Variants in LMF1 observed in about 807,000 individuals in gnomAD.
The protein encoded by LMF1 is lipase maturation factor 1, also known as transmembrane protein 112.
A neutral mutation model predicts 60.6 loss-of-function variants in LMF1; 68 were observed. That is an observed-to-expected ratio of 1.12 (90% CI 0.92 to 1.37). LMF1 has a LOEUF of 1.37. Ranked by LOEUF, LMF1 falls within the 40% of genes most tolerant of loss-of-function variation. The probability of loss-of-function intolerance (pLI) is 0.00; values close to 1 mark genes in which losing one functional copy is unlikely to be tolerated. For synonymous variants in LMF1, 418 were observed against 324.7 expected (o/e 1.29, Z -3.09); for missense variants, 948 against 767.2 (o/e 1.24, Z -2.78).
chr16:976,348 T>C (rs1461197821), intron 1 of LMF1: 1 of 454,092 alleles, frequency 2.2e-6, no homozygotes, highest in Admixed American at 2.3e-5. Context: ...CTGCGATCTG[T>C]AGTCCAGGTG....
intron 10 of LMF1, chr16:855,466 ACT>A: frequency 2.8e-6 from 1 of 354,284 alleles, no homozygotes; most frequent in Non-Finnish European, 5.5e-6. Context: ...CCCTCACTGG[ACT>A]CTCGGAGGAC....
intron 10 of LMF1, among the ~76,000 whole-genome samples, chr16:862,033 C>T (rs554788912): frequency 1.1e-4 from 16 of 152,288 alleles, no homozygotes; most frequent in Non-Finnish European, 1.5e-4. Context: ...CAGATGTGAT[C>T]GTGTGAGTTA....
chr16:931,092 G>C (rs957398688), intron 3 of LMF1, among the ~76,000 whole-genome samples: 13 of 152,014 alleles, frequency 8.6e-5, no homozygotes, highest in Non-Finnish European at 1.9e-4. Context: ...CTGCTCTCCA[G>C]CCTGGGCGAC....
chr16:980,984 A>C (rs28665289), intron 1 of LMF1: 14,649 of 152,492 alleles, frequency 0.096, 843 homozygotes, highest in African/African-American at 0.14. Flanking sequence ...CCAGGGACTC[A>C]GCGCCGGGGT....
At chr16:869,572 C>T (rs1439719116) in intron 9 of LMF1, 2 of 614,000 alleles carry the variant, frequency 3.3e-6, no homozygotes, top group African/African-American at 1.8e-5. Flanking sequence ...GCGCCACCCT[C>T]AGCTGCTGGC....
intron 4 of LMF1, among the ~76,000 whole-genome samples, chr16:906,993 C>G (rs371240942): frequency 2.4e-4 from 37 of 152,142 alleles, no homozygotes; most frequent in African/African-American, 7.7e-4. Flanking sequence ...TGCTATCTTT[C>G]GAGGCATACA....
At chr16:923,760 C>A (rs993991333) in intron 3 of LMF1, among the ~76,000 whole-genome samples, 6 of 152,164 alleles carry the variant, frequency 3.9e-5, no homozygotes, top group Admixed American at 3.9e-4. Flanking sequence ...AGTTAACCTG[C>A]CCCACAATCT....
intron 3 of LMF1, 138 bp from the exon 4 acceptor site, chr16:911,217 G>C (rs1032966930): frequency 7.0e-6 from 7 of 994,914 alleles, no homozygotes; most frequent in South Asian, 1.4e-5. Context: ...CAGCCCGCAC[G>C]TATTAGTCTC....
rs2069674717 is a variant in LMF1 at position 868,487 on chromosome 16, C to A, written c.1529+457G>T. 3.9e-5 allele frequency among the ~76,000 whole-genome samples: 6 copies of A among 152,202 alleles called. No homozygotes were observed. In the South Asian group the frequency reaches 1.2e-3, roughly 32 times the overall value. ...CTCCCTCCTTGGAATGTCACCACGT[C>A]ACTGGCCGGAGTGGGCGAGGCTGCA... On this transcript the variant is annotated intron_variant, in intron 10 of 10. Transcript: ENST00000262301.
chr16:893,632 C>T (rs559062437), intron 4 of LMF1, among the ~76,000 whole-genome samples: 1 of 152,234 alleles, frequency 6.6e-6, no homozygotes, highest in Admixed American at 6.5e-5. Flanking sequence ...CAGAGGGAGC[C>T]GCCAGCACTG....
At chr16:860,406 C>G (rs539359043) in intron 10 of LMF1, among the ~76,000 whole-genome samples, 1 of 149,460 alleles carries the variant, frequency 6.7e-6, no homozygotes, top group East Asian at 2.0e-4. Context: ...GTGGTGTGAT[C>G]TCGGCTCACT....
At chr16:967,037 T>A (rs2072938476) in intron 1 of LMF1, among the ~76,000 whole-genome samples, 1 of 152,158 alleles carries the variant, frequency 6.6e-6, no homozygotes, top group South Asian at 2.1e-4. Context: ...GCCTAGGGTG[T>A]CTTCAGTAGC....
At chr16:934,669 G>C (rs2071889297) in intron 2 of LMF1, among the ~76,000 whole-genome samples, 1 of 152,238 alleles carries the variant, frequency 6.6e-6, no homozygotes, top group Non-Finnish European at 1.5e-5. Context: ...GGAATTGGTG[G>C]GAAAGGCTGG....
intron 10 of LMF1, chr16:855,393 G>A (rs1009068708): frequency 7.6e-5 from 26 of 341,600 alleles, no homozygotes; most frequent in African/African-American, 4.1e-4. Flanking sequence ...ATAAGGTCCC[G>A]CCTGACCCCT....
intron 4 of LMF1, among the ~76,000 whole-genome samples, chr16:895,149 G>A (rs991366794): frequency 2.0e-5 from 3 of 152,198 alleles, no homozygotes; most frequent in South Asian, 2.1e-4. Flanking sequence ...CAGACGGCGG[G>A]GGGTGCGGCC....
chr16:888,327 C>T (rs530468085), intron 5 of LMF1, among the ~76,000 whole-genome samples: 183 of 152,312 alleles, frequency 1.2e-3, no homozygotes, highest in Middle Eastern at 3.4e-3. Flanking sequence ...TTGGATTTCC[C>T]GCAGCTTTCT....
chr16:880,245 G>A (rs865800757), intron 5 of LMF1, among the ~76,000 whole-genome samples: 1 of 151,556 alleles, frequency 6.6e-6, no homozygotes, highest in Admixed American at 6.5e-5. Context: ...CCAGCTCAAG[G>A]CTCTAAGCGC....
intron 2 of LMF1, chr16:947,460 C>T (rs1050543366): frequency 1.3e-5 from 6 of 455,880 alleles, no homozygotes; most frequent in African/African-American, 8.0e-5. Flanking sequence ...GCACCGAGGG[C>T]GGTGTCCCTG....
In LMF1 at chr16:869,870, G is replaced by C. The variant is rs114354808; in HGVS notation, c.1416+13C>G. On this transcript the variant is annotated intron_variant, in intron 9 of 10. Transcript: ENST00000262301. The stretch of plus-strand genomic sequence containing the variant: ...CAGGCAGGTCCATGCGCCCGCCAGG[G>C]ACCGTCCCCCACCTGGAAGGCCGCG... The C allele has an allele frequency of 6.2e-7, 1 of 1,608,304 alleles. No individual in the cohort carries two copies. The highest frequency in any genetic ancestry group is 8.5e-7 in the Non-Finnish European group (1 of 1,178,290).
Sources: allele counts gnomAD v4.1 joint callset (sites outside exome capture counted in the v4.1 genomes callset), GRCh38; gene constraint gnomAD v4.1.1; transcripts MANE v1.5; gene names NCBI Gene and HGNC (gene_info 2026-07-23, HGNC 2026-07-21).